AMPH: variants seen among roughly 807,000 people sequenced by gnomAD.
AMPH encodes amphiphysin (Stiff-Mann syndrome with breast cancer 128kD autoantigen).
In AMPH, 49 loss-of-function variants were observed where a neutral mutation model predicts 99.1. That is an observed-to-expected ratio of 0.49 (90% CI 0.39 to 0.63). The LOEUF (loss-of-function observed/expected upper bound fraction) is 0.63. AMPH is among the 20% of genes least tolerant of loss of function. The pLI is 0.00. For synonymous variants in AMPH, 314 were observed against 317.3 expected, an observed-to-expected ratio of 0.99 and a Z score of 0.11; for missense variants, 759 against 863.4, an observed-to-expected ratio of 0.88 and a Z score of 1.52.
intron 11 of AMPH, among the ~76,000 whole-genome samples, chr7:38,452,274 AAATT>A (rs891819913): frequency 1.1e-4 from 17 of 152,364 alleles, no homozygotes; most frequent in African/African-American, 3.8e-4. Flanking sequence ...TCATTTAAAA[AAATT>A]AAAATAAATG....
intron 6 of AMPH, 86 bp downstream of exon 6, chr7:38,476,776 T>C (rs982659908): frequency 7.8e-6 from 7 of 892,494 alleles, no homozygotes; most frequent in African/African-American, 3.3e-5. Flanking sequence ...TCTCCTTTTA[T>C]AGAGGAGGCA....
At chr7:38,505,179 T>C (rs551617156) in intron 2 of AMPH, among the ~76,000 whole-genome samples, 6 of 152,274 alleles carry the variant, frequency 3.9e-5, no homozygotes, top group African/African-American at 1.4e-4. Context: ...TTAAAGATAA[T>C]GATTAATACA....
At chr7:38,603,893 G>C (rs1443764527) in intron 1 of AMPH, among the ~76,000 whole-genome samples, 1 of 152,216 alleles carries the variant, frequency 6.6e-6, no homozygotes, top group East Asian at 1.9e-4. Context: ...AATAAGAAAA[G>C]AGATGCACAT....
intron 20 of AMPH, among the ~76,000 whole-genome samples, chr7:38,388,085 C>T (rs887503129): frequency 1.3e-5 from 2 of 152,058 alleles, no homozygotes; most frequent in African/African-American, 4.8e-5. Flanking sequence ...TGCCAGCAGA[C>T]TAGCACTTCA....
chr7:38,468,277 T>C lies in AMPH; in HGVS notation c.591-2029A>G, dbSNP rs1002127254. Among the ~76,000 whole-genome samples, 2 of 152,258 alleles carry C rather than the reference T, an allele frequency of 1.3e-5. 1 individual carries two copies. The highest frequency in any genetic ancestry group is 2.9e-5 in the Non-Finnish European group (2 of 68,042). ...AAAGTTAACACTTTCATTCATTTATTTATTGCTCATTTGTATTCCTTCTTT... is the reference window on the plus strand; with the variant it reads ...AAAGTTAACACTTTCATTCATTTATCTATTGCTCATTTGTATTCCTTCTTT... On this transcript the variant is annotated intron_variant, in intron 7 of 20. Coordinates refer to ENST00000356264, the MANE Select transcript of AMPH (RefSeq NM_001635.4).
chr7:38,489,411 G>C lies in AMPH; in HGVS notation c.396+1639C>G, dbSNP rs528140289. Among the ~76,000 whole-genome samples the C allele has an allele frequency of 2.6e-5, 4 of 152,024 alleles. No individual in the cohort carries two copies. The East Asian group carries it at 7.7e-4, about 29-fold the overall frequency. On this transcript the variant is annotated intron_variant, in intron 5 of 20. Coordinates refer to ENST00000356264, the MANE Select transcript of AMPH (RefSeq NM_001635.4). ...AACTCCTAGAAGAAAAGTTGAGGGG[G>C]GGGGAAGCTTCATTTTCTAAATGAA...
chr7:38,617,407 G>T (rs1238363209), intron 1 of AMPH, among the ~76,000 whole-genome samples: 1 of 152,208 alleles, frequency 6.6e-6, no homozygotes, highest in Non-Finnish European at 1.5e-5. Context: ...AAGAAATTTT[G>T]TTATCCCTTA....
At chr7:38,605,089 T>G (rs572147669) in intron 1 of AMPH, among the ~76,000 whole-genome samples, 4 of 152,068 alleles carry the variant, frequency 2.6e-5, no homozygotes, top group Non-Finnish European at 4.4e-5. Flanking sequence ...TGAAGCCTTT[T>G]GGGTACTGAT....
intron 20 of AMPH, among the ~76,000 whole-genome samples, chr7:38,386,127 GA>G (rs1324893796): frequency 6.7e-6 from 1 of 148,690 alleles, no homozygotes; most frequent in African/African-American, 2.5e-5. Context: ...TTGAAGGCAG[GA>G]AAAAAACCGC....
chr7:38,483,850 G>T (rs1788385530), intron 5 of AMPH, among the ~76,000 whole-genome samples: 1 of 152,068 alleles, frequency 6.6e-6, no homozygotes, highest in Non-Finnish European at 1.5e-5. Flanking sequence ...GCCTGACAGA[G>T]AATTCAAAGT....
intron 1 of AMPH, among the ~76,000 whole-genome samples, chr7:38,591,394 T>G (rs138887033): frequency 8.9e-4 from 135 of 151,970 alleles, no homozygotes; most frequent in African/African-American, 3.1e-3. Context: ...TTCAAGTGAT[T>G]CTCCTGCCTC....
intron 11 of AMPH, among the ~76,000 whole-genome samples, chr7:38,455,769 C>G (rs1182411312): frequency 2.6e-5 from 4 of 152,188 alleles, no homozygotes; most frequent in African/African-American, 4.8e-5. Flanking sequence ...ACAAGGAGCC[C>G]CATAGGCAAC....
At chr7:38,556,725 G>T (rs184012249) in intron 1 of AMPH, among the ~76,000 whole-genome samples, 9 of 152,204 alleles carry the variant, frequency 5.9e-5, no homozygotes, top group African/African-American at 1.9e-4. Context: ...TCCTCATTTG[G>T]TATCTGTTTC....
At chr7:38,561,811 G>T (rs777248077) in intron 1 of AMPH, among the ~76,000 whole-genome samples, 1 of 151,864 alleles carries the variant, frequency 6.6e-6, no homozygotes, top group African/African-American at 2.4e-5. Context: ...AGACACCAGC[G>T]TTTCCTCTCT....
intron 18 of AMPH, among the ~76,000 whole-genome samples, chr7:38,392,379 T>A (rs1442073796): frequency 1.4e-4 from 1 of 7,186 alleles, no homozygotes; most frequent in Non-Finnish European, 3.5e-4. Context: ...GCCTGGTTCT[T>A]TTTTTTTTTT....
chr7:38,508,632 A>G (rs1408061527), intron 2 of AMPH, among the ~76,000 whole-genome samples: 1 of 152,166 alleles, frequency 6.6e-6, no homozygotes, highest in Non-Finnish European at 1.5e-5. Flanking sequence ...TAAAGTTGCA[A>G]TTTTACAAAG....
At chr7:38,472,519 T>C (rs1787923233) in intron 7 of AMPH, among the ~76,000 whole-genome samples, 1 of 152,200 alleles carries the variant, frequency 6.6e-6, no homozygotes, top group Non-Finnish European at 1.5e-5. Flanking sequence ...AGATCTGTAA[T>C]TGTAATGATT....
intron 1 of AMPH, among the ~76,000 whole-genome samples, chr7:38,600,712 T>C (rs1793216022): frequency 1.3e-5 from 2 of 152,372 alleles, no homozygotes; most frequent in African/African-American, 4.8e-5. Context: ...AGACAACTCC[T>C]ACCTGGTTAC....
intron 20 of AMPH, among the ~76,000 whole-genome samples, chr7:38,388,292 A>C (rs1483787751): frequency 1.3e-5 from 2 of 152,038 alleles, no homozygotes; most frequent in Non-Finnish European, 2.9e-5. Flanking sequence ...GGGATTTTTA[A>C]TATCTTTGAG....
Sources: allele counts gnomAD v4.1 joint callset (sites outside exome capture counted in the v4.1 genomes callset), GRCh38; gene constraint gnomAD v4.1.1; transcripts MANE v1.5; gene names NCBI Gene and HGNC (gene_info 2026-07-23, HGNC 2026-07-21).